ANO3: variants seen among roughly 807,000 people sequenced by gnomAD.
The protein encoded by ANO3 is anoctamin 3, also known as anoctamin-3.
A neutral mutation model predicts 144.8 loss-of-function variants in ANO3; 99 were observed. The observed-to-expected ratio is 0.68, with a 90% CI of 0.58 to 0.81. The LOEUF (loss-of-function observed/expected upper bound fraction) is 0.81, where lower values mean the gene tolerates loss of function less well. ANO3 is among the 30% of genes least tolerant of loss of function. ANO3 has a pLI of 0.00. For missense variants in ANO3, 905 were observed against 1,202.2 expected (o/e 0.75, Z 3.66); for synonymous variants, 414 against 392.6 (o/e 1.05, Z -0.64).
At chr11:26,209,509 AGTAATGGGATT>A (rs1365566596) in intron 1 of ANO3, among the ~76,000 whole-genome samples, 1 of 152,250 alleles carries the variant, frequency 6.6e-6, no homozygotes, top group Non-Finnish European at 1.5e-5. Context: ...GTATATACCC[AGTAATGGGATT>A]GCTCGGTCAA....
intron 17 of ANO3, among the ~76,000 whole-genome samples, chr11:26,614,091 G>T (rs1371788510): frequency 6.6e-6 from 1 of 152,214 alleles, no homozygotes; most frequent in African/African-American, 2.4e-5. Context: ...TGGGGATACT[G>T]CTGCTGCAGG....
chr11:26,563,189 G>T, intron 14 of ANO3: 1 of 1,612,286 alleles, frequency 6.2e-7, no homozygotes, highest in Non-Finnish European at 8.5e-7. Context: ...ACAACAAGTA[G>T]CCCACAAGAG....
intron 5 of ANO3, among the ~76,000 whole-genome samples, chr11:26,512,473 C>T (rs1861703741): frequency 6.6e-6 from 1 of 152,086 alleles, no homozygotes; most frequent in African/African-American, 2.4e-5. Context: ...GCACCAGCCC[C>T]CTGGCCAGTA....
rs192479650 is a variant in ANO3, at chr11:26,225,696, G to A, written c.154+36366G>A. 1.8e-4 allele frequency among the ~76,000 whole-genome samples: 27 copies of A among 152,112 alleles called. No individual in the cohort carries two copies. In the East Asian group the frequency reaches 4.8e-3, roughly 27 times the overall value. On this transcript the variant is annotated intron_variant, in intron 1 of 27. Transcript: ENST00000672621. ...TGTCAAATCTGGAAAAATCTCTTTT[G>A]TTTCTTATTTATGATCTACAAGATT...
chr11:26,282,131 C>T (rs1166606326), intron 1 of ANO3, among the ~76,000 whole-genome samples: 4 of 152,176 alleles, frequency 2.6e-5, no homozygotes, highest in East Asian at 3.9e-4. Context: ...TAGCCTGCTT[C>T]GGAGGGTGTT....
chr11:26,287,412 A>G (rs990473258), intron 1 of ANO3: 1 of 152,190 alleles, frequency 6.6e-6, no homozygotes, highest in Non-Finnish European at 1.5e-5. Context: ...GCAGATGACA[A>G]TATCCATTTT....
At chr11:26,655,198 C>G (rs186221514) in intron 24 of ANO3, among the ~76,000 whole-genome samples, 152 of 152,284 alleles carry the variant, frequency 1.0e-3, no homozygotes, top group Middle Eastern at 3.4e-3. Context: ...GAGAAAACAT[C>G]CAGGCATTTG....
At chr11:26,270,617 C>A (rs959802008) in intron 1 of ANO3, among the ~76,000 whole-genome samples, 1 of 152,114 alleles carries the variant, frequency 6.6e-6, no homozygotes, top group Admixed American at 6.6e-5. Flanking sequence ...GAAATTAGGT[C>A]TTTTAGAAAT....
At chr11:26,636,915 A>C (rs1247156051) in intron 20 of ANO3, among the ~76,000 whole-genome samples, 1 of 152,238 alleles carries the variant, frequency 6.6e-6, no homozygotes, top group Non-Finnish European at 1.5e-5. Context: ...GAAGATACCA[A>C]CAACTACCCT....
intron 12 of ANO3, among the ~76,000 whole-genome samples, chr11:26,547,968 C>A (rs767799976): frequency 4.6e-5 from 7 of 151,922 alleles, no homozygotes; most frequent in Non-Finnish European, 1.0e-4. Flanking sequence ...CTATAACCTT[C>A]ACTACCACCC....
chr11:26,534,829 C>T (rs1849463906), intron 9 of ANO3, among the ~76,000 whole-genome samples: 1 of 152,152 alleles, frequency 6.6e-6, no homozygotes, highest in African/African-American at 2.4e-5. Context: ...TTATCCCCCT[C>T]AAATAATCAG....
chr11:26,525,535 T>C, intron 6 of ANO3, 100 bp from the exon 7 acceptor site: 1 of 881,402 alleles, frequency 1.1e-6, no homozygotes. Flanking sequence ...CATACGGAAC[T>C]TGGAGTATAG....
chr11:26,251,976 T>TA lies in ANO3; in HGVS notation c.155-57668dup, dbSNP rs140783427. Among the ~76,000 whole-genome samples, 13 of 152,340 alleles carry TA rather than the reference T, an allele frequency of 8.5e-5. No individual in the cohort carries two copies. The East Asian group carries it at 2.5e-3, about 29-fold the overall frequency. ...AGTCCAAACCATATCAGTGAGGTTA[T>TA]ATCATGTATATGCAATGTATGAAAT... On this transcript the variant is annotated intron_variant, in intron 1 of 27. Coordinates refer to the ANO3 transcript ENST00000672621.
chr11:26,584,147 T>G (rs1053125801), intron 14 of ANO3, among the ~76,000 whole-genome samples: 3 of 148,830 alleles, frequency 2.0e-5, no homozygotes, highest in East Asian at 2.0e-4. Flanking sequence ...TGTCTTGTTT[T>G]TTTGTTTGTT....
At position 26,660,341 on chromosome 11, in the gene ANO3, G is replaced by A. The variant is rs1853840251; in HGVS notation, c.2843G>A (p.Arg948Gln). The part of the protein sequence containing the change: ...VPKGLHDRIR[R>Q]EKYLVQEMMY... ...AAGGGTCTACATGACCGAATACGACGAGAGAAGTACTTAGTTCAAGAAATG... is the reference window on the plus strand; with the variant it reads ...AAGGGTCTACATGACCGAATACGACAAGAGAAGTACTTAGTTCAAGAAATG... Residue 948 changes from arginine (R) to glutamine (Q), a missense_variant, in exon 27 of 27, where the codon CGA becomes CAA. Arg to Gln is a conservative substitution (Grantham distance 43). Coordinates refer to ENST00000256737, the MANE Select transcript of ANO3 (RefSeq NM_031418.4). 5 of 1,613,558 alleles carry A rather than the reference G, an allele frequency of 3.1e-6. No homozygotes were observed. The highest frequency in any genetic ancestry group is 4.2e-6 in the Non-Finnish European group (5 of 1,179,698).
chr11:26,327,603 G>A (rs1243183188), upstream of ANO3, among the ~76,000 whole-genome samples: 4 of 152,224 alleles, frequency 2.6e-5, no homozygotes, highest in African/African-American at 9.6e-5. Context: ...ATATTGGAAA[G>A]TGCTGCAAGA....
At chr11:26,383,843 A>G (rs1856648873) in intron 1 of ANO3, among the ~76,000 whole-genome samples, 1 of 150,662 alleles carries the variant, frequency 6.6e-6, no homozygotes, top group Non-Finnish European at 1.5e-5. Flanking sequence ...ACTTTCATAT[A>G]GCACATACTT....
At chr11:26,260,875 T>C (rs534493535) in intron 1 of ANO3, among the ~76,000 whole-genome samples, 419 of 152,212 alleles carry the variant, frequency 2.8e-3, no homozygotes, top group Non-Finnish European at 3.5e-3. Context: ...TTCCCCATGG[T>C]TGGTAGATCT....
At chr11:26,652,395 G>T (rs1280691712) in intron 24 of ANO3, among the ~76,000 whole-genome samples, 1 of 152,026 alleles carries the variant, frequency 6.6e-6, no homozygotes, top group Non-Finnish European at 1.5e-5. Flanking sequence ...TTCCACAGAC[G>T]TCTATTATCA....
Sources: gnomAD v4.1 joint callset for allele counts (sites outside exome capture counted in the v4.1 genomes callset) on GRCh38, gnomAD v4.1.1 for gene constraint, MANE v1.5 for transcripts, NCBI Gene and HGNC (gene_info 2026-07-23, HGNC 2026-07-21) for gene names.